The following ADPRHL1 variants were observed in gnomAD, a reference collection of about 807,000 sequenced individuals.
ADPRHL1 encodes the protein inactive ADP-ribosyltransferase ARH2.
ADPRHL1 carries 43 observed loss-of-function variants against 44.1 expected under a neutral mutation model. That is an observed-to-expected ratio of 0.98 (90% CI 0.76 to 1.26). The LOEUF is 1.26. ADPRHL1 is among the 50% of genes most tolerant of loss of function. The pLI is 0.00. For missense variants in ADPRHL1, 2,022 were observed against 2,496.9 expected (o/e 0.81, Z 4.05); for synonymous variants, 878 against 1,017.4 (o/e 0.86, Z 2.61).
In ADPRHL1 at chr13:113,412,913, C is replaced by T. The variant is rs75441533; in HGVS notation, c.1062-4693G>A. Among the ~76,000 whole-genome samples, 40 of 14,200 alleles carry T rather than the reference C, an allele frequency of 2.8e-3. 1 individual carries two copies. The highest frequency in any genetic ancestry group is 6.3e-3 in the South Asian group (3 of 474). The allele number at this position is 14,200 out of a possible 152,430, so 9.3% of individuals were successfully genotyped here. A position where few individuals can be genotyped will look rare whatever the true frequency, so the allele number is the denominator to read the frequency against. On this transcript the variant is annotated intron_variant, in intron 7 of 7. Coordinates refer to ENST00000612156, the MANE Select transcript of ADPRHL1 (RefSeq NM_001394807.1). ...AGCTCGGTTCACCCACCGCCAACAG[C>T]ACCCCGCAGAACTCGGTTCACCCAC... is the stretch of plus-strand genomic sequence containing the variant.
intron 1 of ADPRHL1, among the ~76,000 whole-genome samples, chr13:113,446,473 G>A (rs533766695): frequency 9.8e-4 from 150 of 152,316 alleles, no homozygotes; most frequent in Middle Eastern, 3.4e-3. Flanking sequence ...AGGCGTGGCC[G>A]GCTGGCCTGT....
At chr13:113,423,850 G>A (rs1215117658) in intron 6 of ADPRHL1, among the ~76,000 whole-genome samples, 1 of 152,218 alleles carries the variant, frequency 6.6e-6, no homozygotes, top group Non-Finnish European at 1.5e-5. Context: ...TGTGAAGGTG[G>A]CCAGCCTGAG....
intron 3 of ADPRHL1, among the ~76,000 whole-genome samples, chr13:113,432,816 T>C (rs919290267): frequency 6.6e-6 from 1 of 152,192 alleles, no homozygotes; most frequent in African/African-American, 2.4e-5. Flanking sequence ...AGCGTGGCTG[T>C]TGGATGTGCG....
intron 3 of ADPRHL1, among the ~76,000 whole-genome samples, chr13:113,431,035 C>G (rs2044003382): frequency 6.6e-6 from 1 of 152,182 alleles, no homozygotes; most frequent in Non-Finnish European, 1.5e-5. Flanking sequence ...TGTTTTGGAG[C>G]CATGTTAGCT....
At chr13:113,420,201 T>A (rs1312443564) in intron 7 of ADPRHL1, among the ~76,000 whole-genome samples, 1 of 152,198 alleles carries the variant, frequency 6.6e-6, no homozygotes, top group African/African-American at 2.4e-5. Flanking sequence ...AGTGCTTTCT[T>A]TGGCTTTTTC....
chr13:113,405,444 G>A lies in ADPRHL1; in HGVS notation c.3838C>T (p.Pro1280Ser). The change falls in exon 8 of 8, where the codon CCC (proline) becomes TCC (serine). Residue 1280 changes from proline (P) to serine (S), a missense_variant. Pro to Ser is a moderately conservative substitution (Grantham distance 74). Transcript: ENST00000612156. ...GGCGGGAGGCCAGGGCCATAGCTGG[G>A]GGACTCTGCCACGCTCCTTGCCTGT... is the stretch of plus-strand genomic sequence containing the variant. ...RPQARSVAES[P>S]SYGPGLPPSP... is the part of the protein sequence containing the mutation. The A allele has an allele frequency of 1.3e-5, 16 of 1,232,002 alleles. No individual in the cohort carries two copies. Among genetic ancestry groups the A allele is most frequent in the Non-Finnish European group, 1.5e-5 (15 of 988,170 alleles). 76.3% of individuals were successfully genotyped at this position (1,232,002 alleles called of 1,614,324 possible).
At chr13:113,447,431 T>G (rs1047679758) in intron 1 of ADPRHL1, among the ~76,000 whole-genome samples, 2 of 148,656 alleles carry the variant, frequency 1.3e-5, no homozygotes, top group Admixed American at 1.3e-4. Context: ...GTGTGCATGG[T>G]GTCTACACTC....
rs919341514 is a variant in ADPRHL1, at chr13:113,432,962, C to T, written c.505+780G>A. On this transcript the variant is annotated intron_variant, in intron 3 of 7. Transcript: ENST00000612156. ...AGTCAGGCCTAGAGTCAGGCGCTACCGCAGCCACCCCAGCCTGGCCTCTCA... is the reference window on the plus strand; with the variant it reads ...AGTCAGGCCTAGAGTCAGGCGCTACTGCAGCCACCCCAGCCTGGCCTCTCA... Among the ~76,000 whole-genome samples the T allele has an allele frequency of 2.0e-5, 3 of 152,180 alleles. 1 individual carries two copies. Among genetic ancestry groups the T allele is most frequent in the African/African-American group, 7.2e-5 (3 of 41,452 alleles).
intron 4 of ADPRHL1, among the ~76,000 whole-genome samples, chr13:113,427,145 G>A (rs1258434993): frequency 6.6e-6 from 1 of 152,228 alleles, no homozygotes; most frequent in East Asian, 1.9e-4. Flanking sequence ...AGAACAGTCA[G>A]AAACATTCCA....
At position 113,404,878 on chromosome 13, in the gene ADPRHL1, G is replaced by C; in HGVS notation, c.4404C>G (p.Asn1468Lys). Reference protein sequence around the residue: ...AWGEGTRAARNPAVPPGEPEG... With the variant: ...AWGEGTRAARKPAVPPGEPEG... ...CGGGCTCCCCTGGAGGCACAGCTGG[G>C]TTCCTGGCAGCCCTGGTGCCCTCTC... Residue 1468 changes from asparagine to lysine, a missense_variant, in exon 8 of 8, where the codon AAC (asparagine) becomes AAG (lysine). Physicochemically the swap from Asn to Lys is moderately conservative, Grantham distance 94. Around this residue, in one of 8 missense-constraint regions of ADPRHL1, gnomAD observed 1,221 missense variants for 1,517.8 expected, o/e 0.80. Transcript: ENST00000612156. The C allele has an allele frequency of 3.2e-6, 4 of 1,247,062 alleles. No homozygotes were observed. The African/African-American group carries it at 4.6e-5, about 14-fold the overall frequency. The allele number at this position is 1,247,062 out of a possible 1,614,324, so 77.2% of individuals were successfully genotyped here. A position where few individuals can be genotyped will look rare whatever the true frequency, so the allele number is the denominator to read the frequency against.
Position 113,444,563 on chromosome 13 carries a change from G to A in ADPRHL1, c.241C>T (p.Arg81Trp), listed in dbSNP as rs982390721. ...TDYWCLDDLY[R>W]EMVRCYVEIV... ...TCCACATAGCATCTCACCATCTCCC[G>A]GTACAGATCATCCAGGCACCAGTAG... The change falls in exon 2 of 8, where the codon CGG becomes TGG. Residue 81 changes from arginine (R) to tryptophan (W), a missense_variant. Arg to Trp is a moderately radical substitution (Grantham distance 101). This residue lies in a region of ADPRHL1 where 437 missense variants were observed against 430.7 expected (regional missense o/e 1.01). Coordinates refer to ENST00000612156, the MANE Select transcript of ADPRHL1 (RefSeq NM_001394807.1). 1.2e-5 allele frequency: 19 copies of A among 1,613,970 alleles called. No homozygotes were observed. Among genetic ancestry groups the A allele is most frequent in the South Asian group, 4.4e-5 (4 of 91,074 alleles).
rs370042842 is a variant in ADPRHL1, at chr13:113,425,082, G to A, written c.744C>T (p.Pro248=). 1.9e-4 allele frequency: 312 copies of A among 1,613,508 alleles called. No individual in the cohort carries two copies. In the Middle Eastern group the frequency reaches 2.3e-3, roughly 12 times the overall value. The change falls in exon 5 of 8, where the codon CCC becomes CCT. Residue 248 remains proline (P), a synonymous_variant. Coordinates refer to ENST00000612156, the MANE Select transcript of ADPRHL1 (RefSeq NM_001394807.1). ...CCCTCTCTTCTGCATCATAATTGTC[G>A]GGGAAGATGGCTTTATTTTCTGAGT... ...SKDSENKAIF[P]DNYDAEEREK... is the part of the protein sequence containing the mutation.
At chr13:113,421,877 G>A (rs1481399721) in intron 7 of ADPRHL1, 1 of 152,232 alleles carries the variant, frequency 6.6e-6, no homozygotes, top group Admixed American at 6.5e-5. Flanking sequence ...CTGCCCAGAG[G>A]CGAGCCCTTT....
In ADPRHL1 at chr13:113,433,884, G is replaced by T. The variant is rs373227737; in HGVS notation, c.380-17C>A. The T allele has an allele frequency of 5.6e-3, 8,606 of 1,529,662 alleles. 36 individuals carry two copies. The highest frequency in any genetic ancestry group is 6.6e-3 in the Non-Finnish European group (7,506 of 1,129,802). 94.8% of individuals were successfully genotyped at this position (1,529,662 alleles called of 1,614,324 possible). On this transcript the variant is annotated splice_polypyrimidine_tract_variant and intron_variant, in intron 2 of 7. Coordinates refer to ENST00000612156, the MANE Select transcript of ADPRHL1 (RefSeq NM_001394807.1). ...ACCCTGAGCCTGTGTGGAGAAGGAA[G>T]AGCTAGTTTAGACTTCTGCTCCAAT...
intron 7 of ADPRHL1, among the ~76,000 whole-genome samples, chr13:113,411,713 C>T (rs910845514): frequency 1.3e-5 from 2 of 152,236 alleles, no homozygotes; most frequent in African/African-American, 2.4e-5. Context: ...GGGTGAGCCC[C>T]GCCTTGCTGA....
At chr13:113,429,370 G>A (rs956093007) in intron 3 of ADPRHL1, among the ~76,000 whole-genome samples, 21 of 152,168 alleles carry the variant, frequency 1.4e-4, no homozygotes, top group African/African-American at 5.1e-4. Flanking sequence ...TGACTTTTCT[G>A]TCTCCGGATG....
Position 113,428,982 on chromosome 13 carries a change from A to G in ADPRHL1, c.616T>C (p.Tyr206His). ...MLRAVPLAEE[Y>H]CRKTIRHTAE... ...GTGTGCCGGATGGTCTTCCTGCAGT[A>G]CTCTTCTGCCAGAGGCACCGCCCGC... The change falls in exon 4 of 8, where the codon TAC becomes CAC. Residue 206 changes from tyrosine (Y) to histidine (H), a missense_variant. Tyr to His is a moderately conservative substitution (Grantham distance 83). Around this residue, in one of 8 missense-constraint regions of ADPRHL1, gnomAD observed 437 missense variants for 430.7 expected, o/e 1.01. Coordinates refer to ENST00000612156, the MANE Select transcript of ADPRHL1 (RefSeq NM_001394807.1). 1 of 1,612,360 alleles carries G rather than the reference A, an allele frequency of 6.2e-7. No individual in the cohort carries two copies. The highest frequency in any genetic ancestry group is 8.5e-7 in the Non-Finnish European group (1 of 1,179,892).
At chr13:113,414,239 C>G (rs2043875520) in intron 7 of ADPRHL1, among the ~76,000 whole-genome samples, 1 of 152,226 alleles carries the variant, frequency 6.6e-6, no homozygotes, top group Non-Finnish European at 1.5e-5. Context: ...CACACACATC[C>G]CTGTGCCAGC....
At position 113,401,574 on chromosome 13, in the gene ADPRHL1, A is replaced by G. The variant is rs1001220023; in HGVS notation, c.*1804T>C. ...CGCACTTAGAACCCACACGCCAAGC[A>G]GAAACCCCTCGAAGCGGGCTGGGAG... is the stretch of plus-strand genomic sequence containing the variant. On this transcript the variant is annotated 3_prime_UTR_variant, in exon 8 of 8. Coordinates refer to ENST00000612156, the MANE Select transcript of ADPRHL1 (RefSeq NM_001394807.1). The surrounding 1 kb of genome is among the most constrained non-coding windows in gnomAD (Gnocchi z 5.5). The G allele has an allele frequency of 6.6e-6, 1 of 152,292 alleles. No individual in the cohort carries two copies. Among genetic ancestry groups the G allele is most frequent in the Non-Finnish European group, 1.5e-5 (1 of 68,198 alleles). 9.4% of individuals were successfully genotyped at this position (152,292 alleles called of 1,614,324 possible). A position where few individuals can be genotyped will look rare whatever the true frequency, so the allele number is the denominator to read the frequency against.
Sources: gnomAD v4.1 joint callset for allele counts (sites outside exome capture counted in the v4.1 genomes callset) on GRCh38, gnomAD v4.1.1 for gene constraint, gnomAD v4.1.1 regional missense constraint, Gnocchi (gnomAD v3.1) non-coding constraint, MANE v1.5 for transcripts, NCBI Gene and HGNC (gene_info 2026-07-23, HGNC 2026-07-21) for gene names.